INTU: variants seen among roughly 807,000 people sequenced by gnomAD.
The protein encoded by INTU is protein inturned.
A neutral mutation model predicts 100.5 loss-of-function variants in INTU; 68 were observed. That is an observed-to-expected ratio of 0.68 (90% CI 0.56 to 0.83). The LOEUF (loss-of-function observed/expected upper bound fraction) is 0.83. INTU is among the 40% of genes least tolerant of loss of function. The probability of loss-of-function intolerance (pLI) is 0.00; values close to 1 mark genes in which losing one functional copy is unlikely to be tolerated. For missense variants in INTU, 1,071 were observed against 1,114.7 expected (o/e 0.96, Z 0.56); for synonymous variants, 357 against 395.7 (o/e 0.90, Z 1.16).
intron 4 of INTU, among the ~76,000 whole-genome samples, chr4:127,665,414 C>G (rs529393417): frequency 6.6e-6 from 1 of 151,950 alleles, no homozygotes; most frequent in African/African-American, 2.4e-5. Context: ...TCTTTTCTTC[C>G]TAAAACATAT....
chr4:127,700,153 T>C (rs1011543194), intron 9 of INTU, 90 bp downstream of exon 9: 1 of 1,087,112 alleles, frequency 9.2e-7, no homozygotes, highest in Non-Finnish European at 1.4e-6. Context: ...AGTGGATATA[T>C]AATAATCTTG....
intron 6 of INTU, among the ~76,000 whole-genome samples, chr4:127,679,150 A>G (rs574151510): frequency 1.3e-5 from 2 of 152,084 alleles, no homozygotes; most frequent in East Asian, 1.9e-4. Context: ...ACACAATAAT[A>G]ATGGGAGACT....
chr4:127,688,979 T>TTCTTTCTTTCTTTTTC (rs1729975873), intron 8 of INTU, among the ~76,000 whole-genome samples: 3 of 136,810 alleles, frequency 2.2e-5, no homozygotes, highest in Non-Finnish European at 3.1e-5. Context: ...TTCTTTTTTT[T>TTCTTTCTTTCTTTTTC]TTTTTTTTTT....
At chr4:127,679,243 C>T (rs1394071163) in intron 6 of INTU, among the ~76,000 whole-genome samples, 1 of 152,148 alleles carries the variant, frequency 6.6e-6, no homozygotes, top group Non-Finnish European at 1.5e-5. Flanking sequence ...CAGCTCTGCA[C>T]CAAGAGGACC....
chr4:127,655,720 G>T (rs967359303), intron 2 of INTU, among the ~76,000 whole-genome samples: 1 of 152,164 alleles, frequency 6.6e-6, no homozygotes, highest in Non-Finnish European at 1.5e-5. Context: ...ACAGAGGCAG[G>T]CAGGCCTCCT....
chr4:127,673,636 A>G (rs1235532843), intron 5 of INTU, among the ~76,000 whole-genome samples: 11 of 150,792 alleles, frequency 7.3e-5, no homozygotes, highest in Admixed American at 6.6e-5. Context: ...TCACTGTGTC[A>G]CCTAGGCTGG....
At chr4:127,689,246 A>G (rs562781083) in intron 8 of INTU, among the ~76,000 whole-genome samples, 3 of 151,800 alleles carry the variant, frequency 2.0e-5, no homozygotes, top group East Asian at 3.9e-4. Flanking sequence ...AGTCTCCTAG[A>G]GTGCTGGATT....
chr4:127,717,187 T>TAAGG lies in INTU; in HGVS notation c.*751_*752insAAGG, dbSNP rs1731281336. The TAAGG allele has an allele frequency of 6.6e-6, 1 of 152,146 alleles. No individual in the cohort carries two copies. The highest frequency in any genetic ancestry group is 1.5e-5 in the Non-Finnish European group (1 of 68,006). The allele number at this position is 152,146 out of a possible 1,614,324, so 9.4% of individuals were successfully genotyped here. On this transcript the variant is annotated 3_prime_UTR_variant, in exon 16 of 16. Transcript: ENST00000335251. The stretch of plus-strand genomic sequence containing the variant: ...CTGGTGTGCATTGTTCCCCTCCCTT[T>TAAGG]GTCCATGTGTTCTCATGGTCAGCTC...
At chr4:127,644,262 A>G (rs1313219311) in intron 2 of INTU, among the ~76,000 whole-genome samples, 1 of 152,210 alleles carries the variant, frequency 6.6e-6, no homozygotes, top group East Asian at 1.9e-4. Context: ...TGTGTTGAGT[A>G]TGTGTGTGCC....
chr4:127,644,863 T>C (rs534955249), intron 2 of INTU, among the ~76,000 whole-genome samples: 1 of 152,366 alleles, frequency 6.6e-6, no homozygotes, highest in East Asian at 1.9e-4. Context: ...TTTACAAATA[T>C]TTCCAACTTT....
intron 3 of INTU, 61 bp downstream of exon 3, chr4:127,656,782 G>A (rs767013844): frequency 7.1e-4 from 766 of 1,077,406 alleles, no homozygotes; most frequent in African/African-American, 1.3e-3. Context: ...TAAATATATC[G>A]TGCACTATTT....
chr4:127,656,416 G>A (rs1728226135), intron 2 of INTU, among the ~76,000 whole-genome samples: 1 of 152,092 alleles, frequency 6.6e-6, no homozygotes, highest in South Asian at 2.1e-4. Flanking sequence ...TATTATTTAT[G>A]GTGCAATAAT....
intron 8 of INTU, among the ~76,000 whole-genome samples, chr4:127,689,723 A>G (rs1730016760): frequency 6.6e-6 from 1 of 151,992 alleles, no homozygotes. Flanking sequence ...GAAAAAGGAA[A>G]GGAGAAAGAA....
intron 6 of INTU, among the ~76,000 whole-genome samples, chr4:127,674,574 G>C (rs1298804359): frequency 6.6e-6 from 1 of 152,144 alleles, no homozygotes; most frequent in Non-Finnish European, 1.5e-5. Context: ...GAGAATTAAG[G>C]GTCAGCAGAA....
chr4:127,685,299 G>T, intron 7 of INTU: 1 of 194,342 alleles, frequency 5.1e-6, no homozygotes. Flanking sequence ...TATTTCTGAG[G>T]GCTAAAATGG....
At chr4:127,694,039 T>C (rs547425464) in intron 8 of INTU, among the ~76,000 whole-genome samples, 175 of 152,280 alleles carry the variant, frequency 1.1e-3, no homozygotes, top group African/African-American at 4.0e-3. Flanking sequence ...TTTCTCTTTC[T>C]GTTATGTCCC....
chr4:127,708,531 T>G (rs1163490462), intron 12 of INTU, 40 bp from the exon 13 acceptor site: 2 of 1,038,542 alleles, frequency 1.9e-6, no homozygotes, highest in South Asian at 2.8e-5. Context: ...TATGATTCCA[T>G]TCTTAGATAT....
chr4:127,700,059 A>C lies in INTU; in HGVS notation c.1499A>C (p.Glu500Ala), dbSNP rs1360128571. Residue 500 changes from glutamate to alanine, a missense_variant, in exon 9 of 16, where the codon GAA becomes GCA. Coordinates refer to ENST00000335251, the MANE Select transcript of INTU (RefSeq NM_015693.4). ...LSDLEAADFA[E>A]LSEDYYDMRR... ...GACTTGGAGGCTGCAGATTTTGCAG[A>C]ACTGGTAAGGGAAGGAGTGGATTTT... The C allele has an allele frequency of 4.4e-6, 7 of 1,606,134 alleles. No individual in the cohort carries two copies. In the African/African-American group the frequency reaches 6.7e-5, roughly 15 times the overall value.
chr4:127,651,255 G>A (rs1465173951), intron 2 of INTU, among the ~76,000 whole-genome samples: 2 of 152,068 alleles, frequency 1.3e-5, no homozygotes, highest in Non-Finnish European at 2.9e-5. Flanking sequence ...GTCTTTTGTT[G>A]CCATTGCTTT....
Sources: gnomAD v4.1 joint callset for allele counts (sites outside exome capture counted in the v4.1 genomes callset) on GRCh38, gnomAD v4.1.1 for gene constraint, MANE v1.5 for transcripts, NCBI Gene and HGNC (gene_info 2026-07-23, HGNC 2026-07-21) for gene names.